Variants in FSTL5 observed in about 807,000 individuals in gnomAD.
FSTL5 encodes follistatin-related protein 5.
Under a neutral mutation model 89.1 loss-of-function variants are expected in FSTL5, and 62 were observed. The observed-to-expected ratio is 0.70, with a 90% CI of 0.57 to 0.86. FSTL5 has a LOEUF of 0.86. Ranked by LOEUF, FSTL5 falls within the 40% of genes least tolerant of loss-of-function variation. The pLI, the probability that FSTL5 is intolerant of heterozygous loss-of-function variation, is 0.00. For missense variants in FSTL5, 1,057 were observed against 1,001.6 expected, an observed-to-expected ratio of 1.06 and a Z score of -0.75; for synonymous variants, 383 against 346.2, an observed-to-expected ratio of 1.11 and a Z score of -1.18.
intron 3 of FSTL5, among the ~76,000 whole-genome samples, chr4:161,964,553 G>A (rs1418337440): frequency 6.6e-6 from 1 of 151,870 alleles, no homozygotes; most frequent in Non-Finnish European, 1.5e-5. Flanking sequence ...ATAGCGGAGT[G>A]GGAGATTTAA....
chr4:161,419,420 GC>G (rs1309364520), intron 15 of FSTL5, among the ~76,000 whole-genome samples: 1 of 152,044 alleles, frequency 6.6e-6, no homozygotes, highest in Admixed American at 6.6e-5. Flanking sequence ...CAAAGCACCA[GC>G]CAATAAAGAA....
At position 161,529,683 on chromosome 4, in the gene FSTL5, A is replaced by AT. The variant is rs1427491056; in HGVS notation, c.1312+8482dup. On this transcript the variant is annotated intron_variant, in intron 10 of 15. Transcript: ENST00000306100. ...AATTAATATTTTTATTCATTGATTT[A>AT]TTTTTTCCATAAATATTTGTTTTTA... 1.3e-4 allele frequency among the ~76,000 whole-genome samples: 19 copies of AT among 141,492 alleles called. 1 individual carries two copies. Among genetic ancestry groups the AT allele is most frequent in the Non-Finnish European group, 2.5e-4 (16 of 64,618 alleles). The allele number at this position is 141,492 out of a possible 152,430, so 92.8% of individuals were successfully genotyped here.
intron 10 of FSTL5, among the ~76,000 whole-genome samples, chr4:161,530,699 T>C (rs1484334165): frequency 2.0e-5 from 3 of 152,096 alleles, no homozygotes; most frequent in Admixed American, 6.5e-5. Context: ...AGACATACTC[T>C]GATACTCTCA....
At chr4:161,870,745 C>A (rs1384909118) in intron 4 of FSTL5, among the ~76,000 whole-genome samples, 1 of 152,108 alleles carries the variant, frequency 6.6e-6, no homozygotes, top group Non-Finnish European at 1.5e-5. Flanking sequence ...GGATGCATTA[C>A]AAATGTTCAA....
intron 6 of FSTL5, among the ~76,000 whole-genome samples, chr4:161,720,415 G>A (rs1020826027): frequency 6.6e-6 from 1 of 152,066 alleles, no homozygotes; most frequent in African/African-American, 2.4e-5. Context: ...CTATTGATGG[G>A]AATGTAAATC....
At chr4:161,607,029 T>A (rs1453533918) in intron 7 of FSTL5, among the ~76,000 whole-genome samples, 1 of 152,150 alleles carries the variant, frequency 6.6e-6, no homozygotes. Context: ...ATTTGAAGAT[T>A]ATTCAGAAAT....
chr4:161,659,666 T>A (rs1478486244), intron 6 of FSTL5, among the ~76,000 whole-genome samples: 1 of 152,204 alleles, frequency 6.6e-6, no homozygotes, highest in African/African-American at 2.4e-5. Context: ...TGTAATCCAA[T>A]TTAAAAACGA....
At chr4:161,952,345 CA>C (rs747115647) in intron 3 of FSTL5, among the ~76,000 whole-genome samples, 2 of 151,836 alleles carry the variant, frequency 1.3e-5, no homozygotes, top group African/African-American at 2.4e-5. Context: ...AAAATCAGGA[CA>C]GGGGAAATAA....
intron 1 of FSTL5, among the ~76,000 whole-genome samples, chr4:162,135,261 T>G (rs559553766): frequency 6.6e-6 from 1 of 152,196 alleles, no homozygotes; most frequent in East Asian, 1.9e-4. Flanking sequence ...ACCTCAATTT[T>G]ATTTATATTT....
chr4:161,680,342 T>G (rs1346852399), intron 6 of FSTL5, among the ~76,000 whole-genome samples: 1 of 151,882 alleles, frequency 6.6e-6, no homozygotes, highest in Non-Finnish European at 1.5e-5. Flanking sequence ...TGTCTCAATC[T>G]AAGCTATTCT....
At chr4:161,724,224 A>T (rs571112752) in intron 6 of FSTL5, among the ~76,000 whole-genome samples, 150 of 152,284 alleles carry the variant, frequency 9.9e-4, no homozygotes, top group Middle Eastern at 3.4e-3. Context: ...AAGAGAGGTG[A>T]TACATAATGC....
chr4:161,624,486 A>T (rs1735245809), intron 7 of FSTL5, among the ~76,000 whole-genome samples: 1 of 151,800 alleles, frequency 6.6e-6, no homozygotes, highest in Non-Finnish European at 1.5e-5. Flanking sequence ...TTAAATGTAT[A>T]TTTATCATTT....
intron 2 of FSTL5, among the ~76,000 whole-genome samples, chr4:162,066,637 T>C (rs1738929750): frequency 7.5e-6 from 1 of 132,616 alleles, no homozygotes; most frequent in Non-Finnish European, 1.6e-5. Flanking sequence ...CCTGTGTCCA[T>C]GTGTTCTATT....
intron 3 of FSTL5, among the ~76,000 whole-genome samples, chr4:161,976,481 T>C (rs113448549): frequency 2.0e-5 from 3 of 152,176 alleles, no homozygotes; most frequent in African/African-American, 4.8e-5. Context: ...AAGTTGGTTT[T>C]GTTGTTGTTG....
chr4:161,500,872 C>T (rs1730269380), intron 11 of FSTL5, among the ~76,000 whole-genome samples: 1 of 152,046 alleles, frequency 6.6e-6, no homozygotes, highest in Non-Finnish European at 1.5e-5. Context: ...AGTTTGAAAC[C>T]TGTGTAGGTT....
At chr4:161,562,674 A>G (rs2126573045) in intron 8 of FSTL5, among the ~76,000 whole-genome samples, 1 of 151,482 alleles carries the variant, frequency 6.6e-6, no homozygotes, top group East Asian at 2.0e-4. Flanking sequence ...ATTTTTTTCA[A>G]CCTTGTTTAT....
chr4:161,681,315 A>G (rs188961348), intron 6 of FSTL5, among the ~76,000 whole-genome samples: 2 of 152,240 alleles, frequency 1.3e-5, no homozygotes, highest in Admixed American at 6.5e-5. Flanking sequence ...TGAAAAACTG[A>G]GAAATATAAA....
chr4:161,684,727 C>T (rs556910932), intron 6 of FSTL5, among the ~76,000 whole-genome samples: 47 of 152,246 alleles, frequency 3.1e-4, no homozygotes, highest in African/African-American at 1.1e-3. Context: ...TCTGTTCACT[C>T]TGTTGACTGT....
intron 10 of FSTL5, among the ~76,000 whole-genome samples, chr4:161,516,947 G>A (rs946719303): frequency 3.9e-5 from 6 of 152,070 alleles, no homozygotes; most frequent in East Asian, 1.9e-4. Flanking sequence ...AGGCTGGAGC[G>A]TAGTGGTGTG....
Sources: allele counts gnomAD v4.1 joint callset (sites outside exome capture counted in the v4.1 genomes callset), GRCh38; gene constraint gnomAD v4.1.1; transcripts MANE v1.5; gene names NCBI Gene and HGNC (gene_info 2026-07-23, HGNC 2026-07-21).